Variants in ROBO1 observed in about 807,000 individuals in gnomAD.
ROBO1 encodes roundabout homolog 1.
ROBO1 carries 149 observed loss-of-function variants against 195.9 expected under a neutral mutation model. That is an observed-to-expected ratio of 0.76 (90% CI 0.67 to 0.87). ROBO1 has a LOEUF of 0.87. Among genes scored for constraint, ROBO1 ranks in the 40% least tolerant of loss-of-function variants. The pLI, the probability that ROBO1 is intolerant of heterozygous loss-of-function variation, is 0.00. For synonymous variants in ROBO1, 816 were observed against 733.2 expected (o/e 1.11, Z -1.82); for missense variants, 1,933 against 2,068.3 (o/e 0.93, Z 1.27).
At chr3:78,956,346 T>C (rs1576465087) in intron 3 of ROBO1, among the ~76,000 whole-genome samples, 1 of 152,168 alleles carries the variant, frequency 6.6e-6, no homozygotes, top group Non-Finnish European at 1.5e-5. Flanking sequence ...ATTTTATTAT[T>C]GATAATATAA....
At chr3:79,662,371 C>A (rs1946354071) in intron 1 of ROBO1, among the ~76,000 whole-genome samples, 1 of 152,072 alleles carries the variant, frequency 6.6e-6, no homozygotes, top group Non-Finnish European at 1.5e-5. Context: ...TAAAAACCTG[C>A]TAATTAAGGT....
intron 3 of ROBO1, among the ~76,000 whole-genome samples, chr3:79,094,937 C>A (rs2079541861): frequency 1.4e-5 from 2 of 142,772 alleles, no homozygotes; most frequent in South Asian, 4.9e-4. Flanking sequence ...CTCCCTCTCT[C>A]CCTCCTCTCT....
chr3:79,023,216 A>G (rs895854504), intron 3 of ROBO1, among the ~76,000 whole-genome samples: 2 of 152,212 alleles, frequency 1.3e-5, no homozygotes, highest in African/African-American at 4.8e-5. Flanking sequence ...CATCCCTCAG[A>G]GTGCAACAGT....
chr3:79,428,794 A>G (rs1305451855), intron 2 of ROBO1, among the ~76,000 whole-genome samples: 1 of 152,172 alleles, frequency 6.6e-6, no homozygotes, highest in African/African-American at 2.4e-5. Flanking sequence ...AAATAATTTT[A>G]AGAAATAAAT....
In ROBO1 at chr3:79,156,931, C is replaced by T. The variant is rs114119087; in HGVS notation, c.89-31392G>A. ...CCATGTTCATATACTTAGAAAGTAT[C>T]ATCTAGTTATGGATTCTTTCAGAGA... On this transcript the variant is annotated intron_variant, in intron 2 of 30. Coordinates refer to ENST00000464233, the MANE Select transcript of ROBO1 (RefSeq NM_002941.4). Among the ~76,000 whole-genome samples, 422 of 151,904 alleles carry T rather than the reference C, an allele frequency of 2.8e-3. 5 individuals are homozygous for T. Among genetic ancestry groups the T allele is most frequent in the African/African-American group, 9.9e-3 (410 of 41,486 alleles).
At chr3:79,153,057 T>A (rs2108643214) in intron 2 of ROBO1, among the ~76,000 whole-genome samples, 1 of 151,926 alleles carries the variant, frequency 6.6e-6, no homozygotes, top group African/African-American at 2.4e-5. Flanking sequence ...ATCCAACTTA[T>A]ATTTAAAAAA....
At chr3:78,756,174 G>A (rs1386572753) in intron 4 of ROBO1, among the ~76,000 whole-genome samples, 1 of 151,964 alleles carries the variant, frequency 6.6e-6, no homozygotes, top group South Asian at 2.1e-4. Flanking sequence ...TACTGTGATG[G>A]TAACACTAAG....
chr3:78,820,006 G>A (rs1461401020), intron 4 of ROBO1, among the ~76,000 whole-genome samples: 1 of 152,092 alleles, frequency 6.6e-6, no homozygotes, highest in East Asian at 1.9e-4. Context: ...TCTATAAATA[G>A]GTCTTTATAA....
rs557073480 is a variant in ROBO1 at position 79,660,462 on chromosome 3, G to A, written c.-50-70501C>T. Among the ~76,000 whole-genome samples the A allele has an allele frequency of 3.3e-5, 5 of 152,196 alleles. No homozygotes were observed. In the East Asian group the frequency reaches 9.7e-4, roughly 30 times the overall value. On this transcript the variant is annotated intron_variant, in intron 1 of 30. Coordinates refer to ENST00000464233, the MANE Select transcript of ROBO1 (RefSeq NM_002941.4). ...ATGCGATCACTCCCAAGACACACGA[G>A]AAGTTGTGTTTCCTCTTTCTGCAAA...
In ROBO1 at chr3:79,657,003, T is replaced by C. The variant is rs72893940; in HGVS notation, c.-50-67042A>G. 7.4e-3 allele frequency among the ~76,000 whole-genome samples: 1,131 copies of C among 152,276 alleles called. 12 individuals are homozygous for C. The highest frequency in any genetic ancestry group is 0.026 in the African/African-American group (1,069 of 41,574). Reference sequence around the variant, plus strand: ...GTCCATTACATGATCAAACTACATCTATTCTTTGTTAGCTAACAATCTTAG... The same window carrying C: ...GTCCATTACATGATCAAACTACATCCATTCTTTGTTAGCTAACAATCTTAG... On this transcript the variant is annotated intron_variant, in intron 1 of 30. Transcript: ENST00000464233.
intron 3 of ROBO1, among the ~76,000 whole-genome samples, chr3:78,964,505 A>C (rs1210463174): frequency 6.6e-6 from 1 of 152,154 alleles, no homozygotes; most frequent in Non-Finnish European, 1.5e-5. Context: ...TATGTCCAAA[A>C]AAAAGGCTTT....
chr3:78,929,900 G>T (rs1180909877), intron 4 of ROBO1, among the ~76,000 whole-genome samples: 4 of 152,092 alleles, frequency 2.6e-5, no homozygotes, highest in Non-Finnish European at 5.9e-5. Context: ...AGATTGCACG[G>T]AAGGGTCACT....
chr3:79,735,440 T>C (rs1274900537), intron 1 of ROBO1, among the ~76,000 whole-genome samples: 1 of 152,196 alleles, frequency 6.6e-6, no homozygotes, highest in South Asian at 2.1e-4. Context: ...ATCTGAAAGA[T>C]ATGGGTTCAA....
chr3:79,343,930 G>T (rs2035007399), intron 2 of ROBO1, among the ~76,000 whole-genome samples: 1 of 152,046 alleles, frequency 6.6e-6, no homozygotes, highest in Admixed American at 6.6e-5. Flanking sequence ...TTAGGACAAG[G>T]ATCATTTGGT....
In ROBO1 at chr3:78,938,686, A is replaced by G. The variant is rs754109765; in HGVS notation, c.414T>C (p.Ser138=). The G allele has an allele frequency of 6.2e-5, 100 of 1,613,880 alleles. No individual in the cohort carries two copies. The highest frequency in any genetic ancestry group is 7.8e-5 in the Non-Finnish European group (92 of 1,179,900). Reference sequence around the variant, plus strand: ...AGACATAGACTCCTTCATCAGGTCTACTTTTCCGTCCATGTACTATACGTA... The same window carrying G: ...AGACATAGACTCCTTCATCAGGTCTGCTTTTCCGTCCATGTACTATACGTA... The part of the protein sequence containing the change: ...FFLRIVHGRK[S]RPDEGVYVCV... Residue 138 remains serine (S), a synonymous_variant, in exon 4 of 31, where the codon AGT becomes AGC. Transcript: ENST00000464233.
chr3:79,231,226 G>A (rs2082314758), intron 2 of ROBO1, among the ~76,000 whole-genome samples: 1 of 152,018 alleles, frequency 6.6e-6, no homozygotes, highest in African/African-American at 2.4e-5. Flanking sequence ...AATGGTATCC[G>A]ATTAAACTAA....
At chr3:78,842,260 A>T (rs1239812357) in intron 4 of ROBO1, among the ~76,000 whole-genome samples, 1 of 131,080 alleles carries the variant, frequency 7.6e-6, no homozygotes, top group Non-Finnish European at 1.6e-5. Flanking sequence ...ATATATATTT[A>T]TATATATGAG....
chr3:78,963,521 CTT>C (rs1374749983), intron 3 of ROBO1, among the ~76,000 whole-genome samples: 1,500 of 53,768 alleles, frequency 0.028, 16 homozygotes, highest in African/African-American at 0.061. Context: ...TTTTTTTTTT[CTT>C]TTTTTTTTTT....
intron 3 of ROBO1, among the ~76,000 whole-genome samples, chr3:79,098,174 C>T (rs879178960): frequency 6.6e-6 from 1 of 151,840 alleles, no homozygotes; most frequent in Non-Finnish European, 1.5e-5. Context: ...ACCCATATGT[C>T]TGCTCACTTT....
Sources: allele counts gnomAD v4.1 joint callset (sites outside exome capture counted in the v4.1 genomes callset), GRCh38; gene constraint gnomAD v4.1.1; transcripts MANE v1.5; gene names NCBI Gene and HGNC (gene_info 2026-07-23, HGNC 2026-07-21).